Variants in MEGF6 observed in about 807,000 individuals in gnomAD.
The protein encoded by MEGF6 is multiple EGF like domains 6, also known as multiple epidermal growth factor-like domains protein 6.
MEGF6 carries 184 observed loss-of-function variants against 207.1 expected under a neutral mutation model. The ratio of observed to expected loss-of-function variants is 0.89; its 90% confidence interval spans 0.79 to 1.00. MEGF6 has a LOEUF of 1.00. Among genes scored for constraint, MEGF6 ranks in the 50% least tolerant of loss-of-function variants. The probability of loss-of-function intolerance (pLI) is 0.00; values close to 1 mark genes in which losing one functional copy is unlikely to be tolerated. For synonymous variants in MEGF6, 1,038 were observed against 910.0 expected (o/e 1.14, Z -2.53); for missense variants, 2,282 against 2,202.9 (o/e 1.04, Z -0.72).
chr1:3,605,615 C>T (rs1286730680), intron 1 of MEGF6, among the ~76,000 whole-genome samples: 1 of 152,150 alleles, frequency 6.6e-6, no homozygotes, highest in Non-Finnish European at 1.5e-5. Context: ...CAATCACATA[C>T]ATACTCATGC....
chr1:3,567,651 C>T (rs1643384719), intron 4 of MEGF6, among the ~76,000 whole-genome samples: 1 of 152,212 alleles, frequency 6.6e-6, no homozygotes, highest in African/African-American at 2.4e-5. Flanking sequence ...TTGGCCATCA[C>T]ACCGTGGGCC....
At chr1:3,596,975 C>T (rs193055089) in intron 2 of MEGF6, among the ~76,000 whole-genome samples, 3 of 152,252 alleles carry the variant, frequency 2.0e-5, no homozygotes, top group African/African-American at 7.2e-5. Context: ...TCTTCCAACT[C>T]GAGCTGCCCC....
intron 4 of MEGF6, chr1:3,531,293 C>T (rs1642158661): frequency 2.4e-6 from 3 of 1,257,408 alleles, no homozygotes; most frequent in South Asian, 6.0e-5. Flanking sequence ...AACCGCGCTG[C>T]GCCCTAAGCC....
chr1:3,536,938 G>A (rs998351459), intron 4 of MEGF6, among the ~76,000 whole-genome samples: 17 of 152,254 alleles, frequency 1.1e-4, no homozygotes, highest in Non-Finnish European at 2.1e-4. Context: ...TCCGACACCC[G>A]CTCCACAAGG....
intron 17 of MEGF6, among the ~76,000 whole-genome samples, chr1:3,502,952 C>T (rs578191113): frequency 1.3e-5 from 2 of 152,322 alleles, no homozygotes; most frequent in East Asian, 3.9e-4. Flanking sequence ...CTAAACCTCT[C>T]CCTGGGCTCA....
rs1640255826 is a variant in MEGF6 at position 3,489,229 on chromosome 1, T to C, written c.*1299A>G. Among the ~76,000 whole-genome samples, 1 of 152,272 alleles carries C rather than the reference T, an allele frequency of 6.6e-6. No homozygotes were observed. The highest frequency in any genetic ancestry group is 2.4e-5 in the African/African-American group (1 of 41,470). On this transcript the variant is annotated 3_prime_UTR_variant, in exon 37 of 37. Coordinates refer to ENST00000356575, the MANE Select transcript of MEGF6 (RefSeq NM_001409.4). ...GCTTCCTCTGTGACAGCTCCCTTGC[T>C]GTCTGTGAGCAACCAAGCTCACTGG...
At chr1:3,499,351 GC>G in intron 23 of MEGF6, 85 bp from the exon 24 acceptor site, 1 of 1,493,094 alleles carries the variant, frequency 6.7e-7, no homozygotes, top group Non-Finnish European at 9.0e-7. Context: ...GGGCAGATCT[GC>G]CGGGGTCCCC....
At chr1:3,535,332 C>T (rs1404638623) in intron 4 of MEGF6, among the ~76,000 whole-genome samples, 1 of 152,208 alleles carries the variant, frequency 6.6e-6, no homozygotes, top group African/African-American at 2.4e-5. Flanking sequence ...TGCCCCAAAA[C>T]CCCCAAGAGC....
chr1:3,496,815 G>C (rs1239525981), intron 28 of MEGF6, 32 bp from the exon 29 acceptor site: 1 of 1,545,388 alleles, frequency 6.5e-7, no homozygotes, highest in Admixed American at 2.0e-5. Flanking sequence ...GCAGGGGCTG[G>C]GGCTGGAGGC....
At chr1:3,508,410 A>G in intron 13 of MEGF6, 148 bp downstream of exon 13, 2 of 867,798 alleles carry the variant, frequency 2.3e-6, no homozygotes, top group Non-Finnish European at 3.5e-6. Flanking sequence ...AAAGGAATTA[A>G]CAAATGGATG....
At position 3,534,507 on chromosome 1, in the gene MEGF6, C is replaced by T. The variant is rs939192610; in HGVS notation, c.482-10261G>A. 7.9e-5 allele frequency among the ~76,000 whole-genome samples: 12 copies of T among 152,218 alleles called. No homozygotes were observed. In the Middle Eastern group the frequency reaches 0.014, roughly 173 times the overall value. ...GGAAACACTCTGTGCCTCAGTTTCCCCATCTGTAACACTAGCACCTCCCTC... is the reference window on the plus strand; with the variant it reads ...GGAAACACTCTGTGCCTCAGTTTCCTCATCTGTAACACTAGCACCTCCCTC... On this transcript the variant is annotated intron_variant, in intron 4 of 36. Transcript: ENST00000356575.
intron 35 of MEGF6, among the ~76,000 whole-genome samples, 196 bp from the exon 36 acceptor site, chr1:3,491,155 T>A (rs7549092): frequency 0.12 from 18,105 of 150,510 alleles, 2,590 homozygotes; most frequent in African/African-American, 0.34. Context: ...CCTCTCCCCA[T>A]AGGAAAGCTC....
intron 4 of MEGF6, among the ~76,000 whole-genome samples, chr1:3,553,344 C>T (rs909693001): frequency 1.4e-4 from 22 of 152,018 alleles, no homozygotes; most frequent in African/African-American, 4.8e-4. Flanking sequence ...TACCCCTGGG[C>T]GTGCTGGGTC....
rs1036011076 is a variant in MEGF6 at position 3,556,420 on chromosome 1, C to T, written c.481+23405G>A. ...CCGCCGGCTGGCTGAACCAAATTGGCCCGGGACCTCCTCACGGAGCCACAG... is the reference window on the plus strand; with the variant it reads ...CCGCCGGCTGGCTGAACCAAATTGGTCCGGGACCTCCTCACGGAGCCACAG... On this transcript the variant is annotated intron_variant, in intron 4 of 36. Coordinates refer to ENST00000356575, the MANE Select transcript of MEGF6 (RefSeq NM_001409.4). The surrounding 1 kb of genome is among the most constrained non-coding windows in gnomAD (Gnocchi z 4.4). Among the ~76,000 whole-genome samples the T allele has an allele frequency of 6.6e-6, 1 of 152,184 alleles. No homozygotes were observed. Among genetic ancestry groups the T allele is most frequent in the African/African-American group, 2.4e-5 (1 of 41,422 alleles).
Position 3,494,056 on chromosome 1 carries a change from C to T in MEGF6, c.4198G>A (p.Asp1400Asn), listed in dbSNP as rs750161200. 3.7e-6 allele frequency: 6 copies of T among 1,607,110 alleles called. No individual in the cohort carries two copies. Among genetic ancestry groups the T allele is most frequent in the African/African-American group, 1.3e-5 (1 of 74,956 alleles). The change falls in exon 33 of 37, where the codon GAC (aspartate) becomes AAC (asparagine). Residue 1400 changes from aspartate (D) to asparagine (N), a missense_variant. By Grantham distance (23) the Asp-to-Asn change is conservative (BLOSUM62 1). Transcript: ENST00000356575. ...LCWCQHGAPC[D>N]PISGRCLCPA... is the part of the protein sequence containing the mutation. ...CAGAGGCATCGGCCACTGATGGGGT[C>T]GCAGGGGGCTCCATGTTGACACCAG...
intron 2 of MEGF6, among the ~76,000 whole-genome samples, chr1:3,597,407 AC>A (rs1644085850): frequency 6.6e-6 from 1 of 151,934 alleles, no homozygotes; most frequent in Non-Finnish European, 1.5e-5. Flanking sequence ...ACAGACGGCC[AC>A]CTGTGCCACC....
chr1:3,614,877 T>G (rs4648397), upstream of MEGF6, among the ~76,000 whole-genome samples: 6 of 152,150 alleles, frequency 3.9e-5, no homozygotes, highest in African/African-American at 1.4e-4. Flanking sequence ...CTCTTCATCC[T>G]GAACTCATCA....
At chr1:3,539,689 C>G (rs1203775457) in intron 4 of MEGF6, among the ~76,000 whole-genome samples, 1 of 152,192 alleles carries the variant, frequency 6.6e-6, no homozygotes, top group African/African-American at 2.4e-5. Flanking sequence ...AAGTGGCTAC[C>G]TGGGCGCCTC....
intron 4 of MEGF6, among the ~76,000 whole-genome samples, chr1:3,540,759 G>A (rs1642490012): frequency 6.6e-6 from 1 of 152,144 alleles, no homozygotes; most frequent in Non-Finnish European, 1.5e-5. Context: ...ATCTTTTCTG[G>A]GGCAGTCATC....
Sources: allele counts gnomAD v4.1 joint callset (sites outside exome capture counted in the v4.1 genomes callset), GRCh38; gene constraint gnomAD v4.1.1; non-coding constraint Gnocchi (gnomAD v3.1); transcripts MANE v1.5; gene names NCBI Gene and HGNC (gene_info 2026-07-23, HGNC 2026-07-21).